AGBL4: variants seen among roughly 807,000 people sequenced by gnomAD.
AGBL4 encodes AGBL carboxypeptidase 4.
Under a neutral mutation model 66.4 loss-of-function variants are expected in AGBL4, and 58 were observed. The observed-to-expected ratio is 0.87, with a 90% CI of 0.71 to 1.09. The LOEUF (loss-of-function observed/expected upper bound fraction) is 1.09. Among genes scored for constraint, AGBL4 ranks in the 50% least tolerant of loss-of-function variants. The pLI is 0.00. For missense variants in AGBL4, 579 were observed against 631.0 expected (o/e 0.92, Z 0.88); for synonymous variants, 234 against 222.9 (o/e 1.05, Z -0.44).
At chr1:49,540,255 A>G (rs542244864) in intron 3 of AGBL4, among the ~76,000 whole-genome samples, 62 of 152,284 alleles carry the variant, frequency 4.1e-4, no homozygotes, top group Non-Finnish European at 7.6e-4. Context: ...ATCTTTAAAT[A>G]TATCTTATCT....
intron 1 of AGBL4, among the ~76,000 whole-genome samples, chr1:49,948,251 T>C (rs1304214372): frequency 1.9e-5 from 2 of 105,604 alleles, no homozygotes; most frequent in Non-Finnish European, 3.3e-5. Context: ...AATAAATACA[T>C]ATAAATATAT....
rs1281699073 is a variant in AGBL4 at position 48,663,156 on chromosome 1, G to C, written c.720C>G (p.Cys240Trp). 1.2e-6 allele frequency: 2 copies of C among 1,613,900 alleles called. No homozygotes were observed. Among genetic ancestry groups the C allele is most frequent in the Admixed American group, 3.3e-5 (2 of 60,020 alleles). Residue 240 changes from cysteine to tryptophan, a missense_variant, in exon 7 of 14, where the codon TGC becomes TGG. Cys to Trp is a radical substitution (Grantham distance 215, BLOSUM62 -2). Coordinates refer to ENST00000371839, the MANE Select transcript of AGBL4 (RefSeq NM_032785.4). ...HPGETPSSFV[C>W]QGIIDFLVSQ... ...CTATGAGATCCTGCCACTCACCTTG[G>C]CACACAAATGATGAGGGTGTTTCCC...
chr1:49,083,772 T>G (rs939717636), intron 4 of AGBL4, among the ~76,000 whole-genome samples: 3 of 152,238 alleles, frequency 2.0e-5, no homozygotes, highest in Admixed American at 1.3e-4. Context: ...CAATTTTTCC[T>G]AACTTTTATG....
At chr1:48,929,826 A>T (rs181224611) in intron 5 of AGBL4, among the ~76,000 whole-genome samples, 1 of 152,158 alleles carries the variant, frequency 6.6e-6, no homozygotes, top group Non-Finnish European at 1.5e-5. Flanking sequence ...TCTTTCTTTC[A>T]TTCAAACCTG....
chr1:49,682,242 T>C (rs997021805), intron 3 of AGBL4, among the ~76,000 whole-genome samples: 6 of 151,808 alleles, frequency 4.0e-5, no homozygotes, highest in Non-Finnish European at 7.4e-5. Context: ...CCCATCTCTA[T>C]TAAAAATACA....
intron 1 of AGBL4, among the ~76,000 whole-genome samples, chr1:49,884,384 T>C (rs1647782143): frequency 6.6e-6 from 1 of 151,920 alleles, no homozygotes; most frequent in Admixed American, 6.6e-5. Flanking sequence ...TCATCATCCT[T>C]ATCATTACTA....
At chr1:49,112,982 T>TG (rs1347270603) in intron 4 of AGBL4, among the ~76,000 whole-genome samples, 2 of 151,824 alleles carry the variant, frequency 1.3e-5, no homozygotes, top group African/African-American at 4.8e-5. Flanking sequence ...GATGGAGTCT[T>TG]GCTTTGTCAC....
chr1:48,637,422 T>C (rs565965958), intron 8 of AGBL4, among the ~76,000 whole-genome samples: 4 of 152,278 alleles, frequency 2.6e-5, no homozygotes, highest in African/African-American at 7.2e-5. Flanking sequence ...GATGGGGGGT[T>C]GAATGTGGTG....
chr1:49,471,569 C>T (rs986076772), intron 3 of AGBL4, among the ~76,000 whole-genome samples: 4 of 151,730 alleles, frequency 2.6e-5, no homozygotes, highest in African/African-American at 9.7e-5. Flanking sequence ...ACATGGTGGT[C>T]AGTTCCATGG....
intron 5 of AGBL4, among the ~76,000 whole-genome samples, chr1:48,875,210 G>A (rs1649102802): frequency 6.6e-6 from 1 of 152,102 alleles, no homozygotes; most frequent in African/African-American, 2.4e-5. Context: ...AAAAATATGG[G>A]AAAAGGTATT....
intron 3 of AGBL4, among the ~76,000 whole-genome samples, chr1:49,564,557 G>A (rs1644141582): frequency 1.3e-5 from 2 of 152,058 alleles, no homozygotes; most frequent in Admixed American, 6.5e-5. Context: ...CCTTCATTTT[G>A]TTATGTACCC....
chr1:49,005,267 AT>A (rs1368500455), intron 5 of AGBL4, among the ~76,000 whole-genome samples: 1 of 152,224 alleles, frequency 6.6e-6, no homozygotes, highest in Non-Finnish European at 1.5e-5. Flanking sequence ...GTCCCTACTT[AT>A]CCATTTTCAT....
intron 4 of AGBL4, among the ~76,000 whole-genome samples, chr1:49,138,420 C>G (rs567135095): frequency 5.1e-4 from 77 of 152,218 alleles, no homozygotes; most frequent in Middle Eastern, 3.4e-3. Context: ...TTCTCTTTCC[C>G]TCCACTACCA....
intron 12 of AGBL4, among the ~76,000 whole-genome samples, chr1:48,535,509 G>T (rs1643955121): frequency 6.6e-6 from 1 of 152,122 alleles, no homozygotes; most frequent in Admixed American, 6.5e-5. Flanking sequence ...GGTCTGGTGT[G>T]GAGTAGGTGC....
rs543577688 is a variant in AGBL4, at chr1:49,658,718, T to G, written c.282+38595A>C. Among the ~76,000 whole-genome samples the G allele has an allele frequency of 9.9e-5, 15 of 152,182 alleles. No individual in the cohort carries two copies. In the South Asian group the frequency reaches 2.9e-3, roughly 30 times the overall value. On this transcript the variant is annotated intron_variant, in intron 3 of 13. Transcript: ENST00000371839. ...TTCATGTCCTTTGTAGGGACATGGA[T>G]GAAGCTGGAAATCATCATTCTCAGC...
intron 3 of AGBL4, among the ~76,000 whole-genome samples, chr1:49,491,973 A>T (rs1046978626): frequency 4.6e-5 from 7 of 151,922 alleles, no homozygotes; most frequent in Non-Finnish European, 1.0e-4. Flanking sequence ...AACAGCAATA[A>T]CTAATAATAA....
intron 2 of AGBL4, among the ~76,000 whole-genome samples, chr1:49,802,644 C>T (rs1571599977): frequency 6.6e-6 from 1 of 152,150 alleles, no homozygotes; most frequent in Non-Finnish European, 1.5e-5. Context: ...GACCCTAAAT[C>T]CCTCACTAAC....
intron 11 of AGBL4, among the ~76,000 whole-genome samples, chr1:48,555,360 G>T (rs1644306362): frequency 1.3e-5 from 2 of 152,170 alleles, no homozygotes; most frequent in South Asian, 4.1e-4. Flanking sequence ...AACAAATACA[G>T]TATAAGATTG....
rs1042874007 is a variant in AGBL4 at position 48,851,520 on chromosome 1, G to T, written c.634+15671C>A. 2.6e-5 allele frequency among the ~76,000 whole-genome samples: 4 copies of T among 152,134 alleles called. No homozygotes were observed. In the East Asian group the frequency reaches 7.7e-4, roughly 29 times the overall value. On this transcript the variant is annotated intron_variant, in intron 6 of 13. Transcript: ENST00000371839. Reference sequence around the variant, plus strand: ...GATGCTTCCCTATGCACCGTCTAAGGCTGGAACTGAGCCCACCTGACAAAC... The same window carrying T: ...GATGCTTCCCTATGCACCGTCTAAGTCTGGAACTGAGCCCACCTGACAAAC...
Sources: gnomAD v4.1 joint callset for allele counts (sites outside exome capture counted in the v4.1 genomes callset) on GRCh38, gnomAD v4.1.1 for gene constraint, MANE v1.5 for transcripts, NCBI Gene and HGNC (gene_info 2026-07-23, HGNC 2026-07-21) for gene names.